Variants in LIMS1 observed in about 807,000 individuals in gnomAD.
LIMS1 encodes LIM and senescent cell antigen-like-containing domain protein 1.
Under a neutral mutation model 44.1 loss-of-function variants are expected in LIMS1, and 18 were observed. The observed-to-expected ratio is 0.41, with a 90% CI of 0.28 to 0.61. The LOEUF is 0.61. Ranked by LOEUF, LIMS1 falls within the 20% of genes least tolerant of loss-of-function variation. The pLI is 0.32. For missense variants in LIMS1, 201 were observed against 422.0 expected (o/e 0.48, Z 4.59); for synonymous variants, 93 against 149.1 (o/e 0.62, Z 2.74).
chr2:108,640,531 G>C (rs530712944), intron 1 of LIMS1, among the ~76,000 whole-genome samples: 1 of 152,284 alleles, frequency 6.6e-6, no homozygotes, highest in African/African-American at 2.4e-5. Flanking sequence ...GGCCATTCCT[G>C]CCTTCTCTGG....
At chr2:108,590,518 A>G (rs564317149) in intron 1 of LIMS1, among the ~76,000 whole-genome samples, 1 of 152,378 alleles carries the variant, frequency 6.6e-6, no homozygotes, top group South Asian at 2.1e-4. Context: ...ATATACAAAA[A>G]TAACTAAACA....
intron 1 of LIMS1, among the ~76,000 whole-genome samples, chr2:108,537,383 T>C: frequency 6.6e-6 from 1 of 152,254 alleles, no homozygotes; most frequent in Non-Finnish European, 1.5e-5. Context: ...AAATTGCTCT[T>C]GAATGCTTGT....
chr2:108,630,813 G>A lies in LIMS1; in HGVS notation c.33-28792G>A, dbSNP rs944843286. Among the ~76,000 whole-genome samples the A allele has an allele frequency of 7.9e-5, 12 of 152,150 alleles. No homozygotes were observed. The East Asian group carries it at 1.9e-3, about 24-fold the overall frequency. On this transcript the variant is annotated intron_variant, in intron 1 of 9. Transcript: ENST00000544547. ...GAGTAATTTGGAGGTTGAGTGGGAC[G>A]AGGAGGAAAAATGTAGGATTCTTTA...
chr2:108,677,854 G>A (rs1692677071), intron 7 of LIMS1, 125 bp from the exon 8 acceptor site: 2 of 1,459,414 alleles, frequency 1.4e-6, no homozygotes, highest in East Asian at 4.6e-5. Flanking sequence ...ACTTGTCAAA[G>A]AACTTTTACT....
intron 2 of LIMS1, among the ~76,000 whole-genome samples, chr2:108,667,951 T>C (rs1000717039): frequency 6.6e-6 from 1 of 152,246 alleles, no homozygotes; most frequent in Non-Finnish European, 1.5e-5. Flanking sequence ...TTTCTATTGG[T>C]ATTTTTTATT....
intron 1 of LIMS1, among the ~76,000 whole-genome samples, chr2:108,583,326 A>T (rs1685962026): frequency 6.6e-6 from 1 of 151,552 alleles, no homozygotes; most frequent in South Asian, 2.1e-4. Flanking sequence ...CACAGGCGTA[A>T]ATCACCACGC....
intron 1 of LIMS1, among the ~76,000 whole-genome samples, chr2:108,606,191 T>C (rs936534644): frequency 7.9e-5 from 12 of 152,264 alleles, no homozygotes; most frequent in South Asian, 6.2e-4. Context: ...ACATTACTTA[T>C]GAAAGCTAGA....
chr2:108,651,539 T>G (rs1475303414), intron 1 of LIMS1, among the ~76,000 whole-genome samples: 1 of 152,250 alleles, frequency 6.6e-6, no homozygotes, highest in African/African-American at 2.4e-5. Context: ...TTAAACAGTT[T>G]AAAAATATCT....
intron 1 of LIMS1, among the ~76,000 whole-genome samples, chr2:108,535,151 G>T (rs75460890): frequency 0.025 from 3,827 of 152,328 alleles, 62 homozygotes; most frequent in African/African-American, 0.033. Context: ...CTCTTGAGTT[G>T]TCTGACTTAG....
intron 1 of LIMS1, among the ~76,000 whole-genome samples, chr2:108,623,514 G>A (rs1021765514): frequency 2.0e-5 from 3 of 152,078 alleles, no homozygotes; most frequent in African/African-American, 7.2e-5. Flanking sequence ...TTGTTATCTT[G>A]CGAATAGTGC....
intron 1 of LIMS1, among the ~76,000 whole-genome samples, chr2:108,609,415 C>T (rs768046526): frequency 2.6e-5 from 4 of 152,114 alleles, no homozygotes; most frequent in Non-Finnish European, 4.4e-5. Context: ...TCACATAAAC[C>T]CATCAGCCTG....
At position 108,620,364 on chromosome 2, in the gene LIMS1, C is replaced by T. The variant is rs140494068; in HGVS notation, c.33-39241C>T. Among the ~76,000 whole-genome samples the T allele has an allele frequency of 7.5e-3, 1,144 of 152,302 alleles. 6 individuals are homozygous for T. Among genetic ancestry groups the T allele is most frequent in the Middle Eastern group, 0.037 (11 of 294 alleles). ...TTCCTAGAACCATTTAGTCAAACTA[C>T]TGGCTAAGATCTTGCTGGGAGGTAG... On this transcript the variant is annotated intron_variant, in intron 1 of 9. Transcript: ENST00000544547.
intron 1 of LIMS1, among the ~76,000 whole-genome samples, chr2:108,551,504 C>G (rs1272175474): frequency 7.2e-6 from 1 of 139,592 alleles, no homozygotes; most frequent in Non-Finnish European, 1.5e-5. Context: ...CACACACACA[C>G]ACACACACAC....
chr2:108,580,821 T>TG (rs1456965479), intron 1 of LIMS1, among the ~76,000 whole-genome samples: 1 of 152,114 alleles, frequency 6.6e-6, no homozygotes, highest in Non-Finnish European at 1.5e-5. Flanking sequence ...AGGAGGGGGA[T>TG]GGGGCTTTCA....
Position 108,607,171 on chromosome 2 carries a change from T to TGA in LIMS1, c.33-52430_33-52429dup. 6 of 1,546,346 alleles carry TGA rather than the reference T, an allele frequency of 3.9e-6. No individual in the cohort carries two copies. The East Asian group carries it at 1.2e-4, about 32-fold the overall frequency. ...CCCCTTCCTGCATGTGAGGACACAGTGAGAGGGTGCCATCTATGAGCATGG... is the reference window on the plus strand; with the variant it reads ...CCCCTTCCTGCATGTGAGGACACAGTGAGAGAGGGTGCCATCTATGAGCATGG... On this transcript the variant is annotated intron_variant, in intron 1 of 9. Coordinates refer to ENST00000544547, the Ensembl canonical transcript of LIMS1.
At chr2:108,663,200 C>G (rs1231699118) in intron 2 of LIMS1, among the ~76,000 whole-genome samples, 1 of 152,034 alleles carries the variant, frequency 6.6e-6, no homozygotes, top group Non-Finnish European at 1.5e-5. Context: ...CTCACTGCAG[C>G]CTTGACTTCC....
exon 10 of LIMS1, chr2:108,686,966 G>T (rs1693345320): frequency 6.6e-6 from 1 of 152,180 alleles, no homozygotes; most frequent in South Asian, 2.1e-4. Flanking sequence ...CTTAGCAAGT[G>T]TAACATAATC....
chr2:108,585,806 T>C (rs1686077848), intron 1 of LIMS1, among the ~76,000 whole-genome samples: 1 of 152,152 alleles, frequency 6.6e-6, no homozygotes, highest in Non-Finnish European at 1.5e-5. Flanking sequence ...GAAAAATGCC[T>C]TCTGGATTTG....
At chr2:108,603,206 TAGTAGTAG>T (rs1293841217) in intron 1 of LIMS1, among the ~76,000 whole-genome samples, 1 of 152,184 alleles carries the variant, frequency 6.6e-6, no homozygotes, top group East Asian at 1.9e-4. Flanking sequence ...TCAGTAGGAT[TAGTAGTAG>T]TTCTTCTTTA....
Sources: gnomAD v4.1 joint callset for allele counts (sites outside exome capture counted in the v4.1 genomes callset) on GRCh38, gnomAD v4.1.1 for gene constraint, MANE v1.5 for transcripts, NCBI Gene and HGNC (gene_info 2026-07-23, HGNC 2026-07-21) for gene names.